INO80D: variants seen among roughly 807,000 people sequenced by gnomAD.
INO80D encodes the protein INO80 complex subunit D.
INO80D carries 21 observed loss-of-function variants against 87.6 expected under a neutral mutation model. The observed-to-expected ratio is 0.24, with a 90% CI of 0.17 to 0.35. The LOEUF is 0.35. INO80D is among the 10% of genes least tolerant of loss of function. INO80D has a pLI of 1.00. For missense variants in INO80D, 982 were observed against 1,280.7 expected (o/e 0.77, Z 3.56); for synonymous variants, 440 against 491.0 (o/e 0.90, Z 1.37).
intron 4 of INO80D, among the ~76,000 whole-genome samples, chr2:206,051,247 G>C (rs1185921769): frequency 2.0e-5 from 3 of 149,080 alleles, no homozygotes; most frequent in African/African-American, 7.4e-5. Context: ...TTTTTTTTCA[G>C]AGACGGGGTC....
At chr2:206,055,840 T>C (rs1689502580) in intron 4 of INO80D, among the ~76,000 whole-genome samples, 1 of 152,234 alleles carries the variant, frequency 6.6e-6, no homozygotes, top group African/African-American at 2.4e-5. Flanking sequence ...ATAACAACTG[T>C]TTTCATAGCA....
chr2:206,064,987 A>C (rs1405133112), intron 1 of INO80D, among the ~76,000 whole-genome samples: 1 of 152,052 alleles, frequency 6.6e-6, no homozygotes, highest in Non-Finnish European at 1.5e-5. Context: ...TTGGACTAGA[A>C]ATTTAAATTT....
At chr2:206,070,302 T>C (rs938288902) in intron 1 of INO80D, among the ~76,000 whole-genome samples, 1 of 152,012 alleles carries the variant, frequency 6.6e-6, no homozygotes, top group African/African-American at 2.4e-5. Context: ...CATGTGCCTG[T>C]AGTCCTGGTT....
chr2:206,058,727 C>T (rs899839814), intron 3 of INO80D, among the ~76,000 whole-genome samples: 2 of 151,840 alleles, frequency 1.3e-5, no homozygotes, highest in South Asian at 2.1e-4. Context: ...GAGCAAGACT[C>T]GTCTCAAAAA....
intron 10 of INO80D, 56 bp from the exon 11 acceptor site, chr2:206,005,589 A>G: frequency 7.9e-7 from 1 of 1,267,484 alleles, no homozygotes; most frequent in Non-Finnish European, 1.1e-6. Context: ...TCTACATCAC[A>G]AAAATCACAC....
At chr2:206,040,746 TG>T in intron 5 of INO80D, 1 of 287,002 alleles carries the variant, frequency 3.5e-6, no homozygotes, top group South Asian at 3.4e-5. Context: ...TCAGAGATCC[TG>T]CTCTTAAACA....
intron 8 of INO80D, among the ~76,000 whole-genome samples, chr2:206,010,586 T>C (rs1319731831): frequency 6.6e-6 from 1 of 152,194 alleles, no homozygotes; most frequent in East Asian, 1.9e-4. Flanking sequence ...ATAACTCTTG[T>C]AGCTAAATAA....
At chr2:206,066,934 T>C (rs1158435944) in intron 1 of INO80D, among the ~76,000 whole-genome samples, 1 of 141,666 alleles carries the variant, frequency 7.1e-6, no homozygotes, top group Non-Finnish European at 1.6e-5. Context: ...TGTAGTCACA[T>C]AAAAAAGTTG....
chr2:206,080,888 G>A (rs1369762222), intron 1 of INO80D, among the ~76,000 whole-genome samples: 1 of 109,550 alleles, frequency 9.1e-6, no homozygotes, highest in Non-Finnish European at 1.7e-5. Flanking sequence ...GGGCGACAGA[G>A]TGAGACTCAG....
chr2:206,075,829 G>A (rs531045951), intron 1 of INO80D, among the ~76,000 whole-genome samples: 35 of 151,492 alleles, frequency 2.3e-4, no homozygotes, highest in African/African-American at 6.5e-4. Context: ...TGAGGCAGGC[G>A]GATCACTTGA....
intron 1 of INO80D, among the ~76,000 whole-genome samples, chr2:206,075,133 T>C (rs1015439383): frequency 2.6e-5 from 4 of 151,642 alleles, no homozygotes; most frequent in African/African-American, 9.7e-5. Context: ...TTCTTACAAA[T>C]ACAGAGGAAT....
Position 206,044,650 on chromosome 2 carries a change from G to A in INO80D, c.1073+1854C>T, listed in dbSNP as rs1689148050. Among the ~76,000 whole-genome samples the A allele has an allele frequency of 3.3e-5, 5 of 152,214 alleles. No homozygotes were observed. The South Asian group carries it at 1.0e-3, about 32-fold the overall frequency. On this transcript the variant is annotated intron_variant, in intron 5 of 10. Transcript: ENST00000403263. ...CCACAAATCTGAAACAACAAAAGAA[G>A]TATTTTGATAACTCTGCAAGAATAG... is the stretch of plus-strand genomic sequence containing the variant.
In INO80D at chr2:206,009,671, G is replaced by A. The variant is rs368082888; in HGVS notation, c.1666C>T (p.Arg556Cys). Reference protein sequence around the residue: ...KHKKKRRRGPRRPQKPIPPAV... With the variant: ...KHKKKRRRGPCRPQKPIPPAV... ...GGTGGAATGGGTTTTTGGGGTCGAC[G>A]AGGTCCACGCCTTCTCTTCTTCTTG... is the stretch of plus-strand genomic sequence containing the variant. Residue 556 changes from arginine to cysteine, a missense_variant, in exon 9 of 11, where the codon CGT (arginine) becomes TGT (cysteine). By Grantham distance (180) the Arg-to-Cys change is radical. Transcript: ENST00000403263. 298 of 1,613,878 alleles carry A rather than the reference G, an allele frequency of 1.8e-4. No homozygotes were observed. The highest frequency in any genetic ancestry group is 2.4e-4 in the Non-Finnish European group (286 of 1,179,908).
chr2:206,025,215 C>A (rs1324516719), intron 6 of INO80D, among the ~76,000 whole-genome samples: 1 of 151,356 alleles, frequency 6.6e-6, no homozygotes, highest in African/African-American at 2.4e-5. Flanking sequence ...TATATATGTA[C>A]TAAAAGTTGT....
intron 6 of INO80D, among the ~76,000 whole-genome samples, chr2:206,025,291 G>A (rs189115941): frequency 1.3e-4 from 20 of 150,974 alleles, no homozygotes; most frequent in Admixed American, 4.0e-4. Flanking sequence ...ACTTTGGGAG[G>A]CCGAGGTGGG....
At chr2:206,067,046 G>A (rs531960019) in intron 1 of INO80D, among the ~76,000 whole-genome samples, 3 of 151,764 alleles carry the variant, frequency 2.0e-5, no homozygotes, top group African/African-American at 7.3e-5. Flanking sequence ...TTAGGAATTC[G>A]AGACCAGCCT....
rs112820770 is a variant in INO80D, at chr2:206,014,397, G to A, written c.1542+3283C>T. On this transcript the variant is annotated intron_variant, in intron 8 of 10. Transcript: ENST00000403263. ...ATCTTGTAGCTCCCATAATTCCCACGTGTTGTGGGAGGGAGACAGTGGGAG... is the reference window on the plus strand; with the variant it reads ...ATCTTGTAGCTCCCATAATTCCCACATGTTGTGGGAGGGAGACAGTGGGAG... 6.6e-5 allele frequency among the ~76,000 whole-genome samples: 10 copies of A among 152,260 alleles called. 1 individual carries two copies. The highest frequency in any genetic ancestry group is 2.1e-4 in the South Asian group (1 of 4,818).
chr2:206,025,922 C>T (rs1167158926), intron 6 of INO80D, among the ~76,000 whole-genome samples: 1 of 151,400 alleles, frequency 6.6e-6, no homozygotes, highest in African/African-American at 2.4e-5. Context: ...TTTTGGAAGG[C>T]AGTCCCACTC....
chr2:206,003,319 G>T lies in INO80D; in HGVS notation c.*1049C>A, dbSNP rs1407906328. 1 of 152,144 alleles carries T rather than the reference G, an allele frequency of 6.6e-6. No individual in the cohort carries two copies. The highest frequency in any genetic ancestry group is 2.1e-4 in the South Asian group (1 of 4,824). 9.4% of individuals were successfully genotyped at this position (152,144 alleles called of 1,614,324 possible). On this transcript the variant is annotated 3_prime_UTR_variant, in exon 11 of 11. Coordinates refer to ENST00000403263, the MANE Select transcript of INO80D (RefSeq NM_017759.5). ...AAAGCAAAAGATGGATCAAGGAGTT[G>T]ACAGATCCCATCTTTTCAAATCTAT...
Sources: gnomAD v4.1 joint callset for allele counts (sites outside exome capture counted in the v4.1 genomes callset) on GRCh38, gnomAD v4.1.1 for gene constraint, MANE v1.5 for transcripts, NCBI Gene and HGNC (gene_info 2026-07-23, HGNC 2026-07-21) for gene names.